Variants in PARN observed in about 807,000 individuals in gnomAD.
The protein encoded by PARN is poly(A)-specific ribonuclease PARN.
Under a neutral mutation model 102.8 loss-of-function variants are expected in PARN, and 71 were observed. The observed-to-expected ratio is 0.69, with a 90% CI of 0.57 to 0.84. The LOEUF (loss-of-function observed/expected upper bound fraction) is 0.84. PARN is among the 40% of genes least tolerant of loss of function. The probability of loss-of-function intolerance (pLI) is 0.00; values close to 1 mark genes in which losing one functional copy is unlikely to be tolerated. For missense variants in PARN, 782 were observed against 760.9 expected (o/e 1.03, Z -0.33); for synonymous variants, 261 against 252.9 (o/e 1.03, Z -0.30).
intron 21 of PARN, among the ~76,000 whole-genome samples, chr16:14,500,855 A>G (rs755796346): frequency 8.5e-5 from 13 of 152,128 alleles, no homozygotes; most frequent in Non-Finnish European, 1.9e-4. Flanking sequence ...ATGTCAGCTT[A>G]GGGCAGCAGT....
intron 22 of PARN, among the ~76,000 whole-genome samples, chr16:14,457,234 T>A (rs747378243): frequency 8.6e-5 from 13 of 151,900 alleles, no homozygotes; most frequent in Non-Finnish European, 1.6e-4. Context: ...CCCTACTAGA[T>A]GTAGCTAAGG....
chr16:14,553,050 G>A (rs563493230), intron 20 of PARN, among the ~76,000 whole-genome samples: 2 of 151,936 alleles, frequency 1.3e-5, no homozygotes, highest in African/African-American at 4.8e-5. Flanking sequence ...CAGAAATGGT[G>A]TACTGTATTA....
intron 21 of PARN, among the ~76,000 whole-genome samples, chr16:14,531,898 T>TA (rs1283712192): frequency 9.7e-6 from 1 of 103,326 alleles, no homozygotes; most frequent in African/African-American, 2.9e-5. Flanking sequence ...TCCCATTTCT[T>TA]TAAAAAAAAA....
intron 21 of PARN, among the ~76,000 whole-genome samples, chr16:14,485,854 A>G (rs1161288604): frequency 1.3e-5 from 2 of 152,082 alleles, no homozygotes; most frequent in Admixed American, 1.3e-4. Flanking sequence ...CGCCTGGCTA[A>G]TTTTTGTAAT....
chr16:14,555,595 C>A, intron 19 of PARN, 59 bp downstream of exon 19: 1 of 730,186 alleles, frequency 1.4e-6, no homozygotes, highest in Non-Finnish European at 2.2e-6. Context: ...TTCCTGTTAT[C>A]CCTTCCAGAC....
At chr16:14,584,305 T>A in intron 16 of PARN, 42 bp downstream of exon 16, 1 of 1,324,368 alleles carries the variant, frequency 7.6e-7, no homozygotes, top group Non-Finnish European at 1.1e-6. Context: ...CATCAATAAT[T>A]ATTACAAAGA....
chr16:14,439,792 G>A (rs1387891130), intron 23 of PARN, among the ~76,000 whole-genome samples: 1 of 152,046 alleles, frequency 6.6e-6, no homozygotes, highest in East Asian at 1.9e-4. Flanking sequence ...GAGGCCGGTG[G>A]ATCACGAGGT....
intron 21 of PARN, among the ~76,000 whole-genome samples, chr16:14,508,965 T>C (rs1007713988): frequency 1.3e-5 from 2 of 150,778 alleles, no homozygotes; most frequent in Non-Finnish European, 3.0e-5. Context: ...ATCCTGAGAA[T>C]CCAGAAGGTA....
intron 13 of PARN, among the ~76,000 whole-genome samples, chr16:14,589,866 C>CA (rs1421126597): frequency 3.4e-5 from 5 of 145,648 alleles, no homozygotes; most frequent in Admixed American, 1.4e-4. Context: ...GACTCCATCT[C>CA]AAAAAAAAAG....
intron 1 of PARN, among the ~76,000 whole-genome samples, chr16:14,629,891 G>C (rs1011471916): frequency 6.6e-6 from 1 of 152,210 alleles, no homozygotes; most frequent in African/African-American, 2.4e-5. Flanking sequence ...CAAGGCCCCG[G>C]ATGGTGCCGG....
chr16:14,570,265 G>A (rs1258191481), intron 18 of PARN, among the ~76,000 whole-genome samples: 4 of 147,804 alleles, frequency 2.7e-5, no homozygotes, highest in Admixed American at 1.4e-4. Context: ...CTTGAATCTG[G>A]GAGGTGGTAT....
chr16:14,451,869 CAAAAAAAAAAA>C (rs869041563), intron 22 of PARN, among the ~76,000 whole-genome samples: 2 of 52,498 alleles, frequency 3.8e-5, no homozygotes, highest in African/African-American at 8.8e-5. Flanking sequence ...AAAAAAAATA[CAAAAAAAAAAA>C]AAAAAAAAAA....
chr16:14,458,482 A>G (rs573912327), intron 22 of PARN, among the ~76,000 whole-genome samples: 1 of 152,350 alleles, frequency 6.6e-6, no homozygotes, highest in East Asian at 1.9e-4. Flanking sequence ...CAGAGAGAAG[A>G]TAACACCTAT....
At chr16:14,501,485 T>TAAAAAAAAAAAAAAAAAAAAAAAA (rs1964614612) in intron 21 of PARN, 1 of 96,866 alleles carries the variant, frequency 1.0e-5, no homozygotes. Flanking sequence ...GAATGAATGT[T>TAAAAAAAAAAAAAAAAAAAAAAAA]AAAATGTAGG....
chr16:14,588,245 G>C (rs555532057), intron 13 of PARN, among the ~76,000 whole-genome samples: 16 of 152,126 alleles, frequency 1.1e-4, no homozygotes, highest in African/African-American at 3.6e-4. Flanking sequence ...CACCTCTTAG[G>C]GAACAAATAA....
At chr16:14,571,393 T>C (rs1441400668) in intron 18 of PARN, among the ~76,000 whole-genome samples, 4 of 149,716 alleles carry the variant, frequency 2.7e-5, no homozygotes, top group Admixed American at 2.0e-4. Flanking sequence ...GAAAACACAA[T>C]ACAGAACTAA....
chr16:14,604,435 A>AT, intron 10 of PARN, among the ~76,000 whole-genome samples: 1 of 151,628 alleles, frequency 6.6e-6, no homozygotes, highest in African/African-American at 2.4e-5. Context: ...TAATTTTTGT[A>AT]TTTTTAGTAG....
At chr16:14,506,287 A>G (rs563197551) in intron 21 of PARN, among the ~76,000 whole-genome samples, 1 of 152,358 alleles carries the variant, frequency 6.6e-6, no homozygotes, top group African/African-American at 2.4e-5. Context: ...AAGACTAAAG[A>G]GCCATGATGA....
chr16:14,615,721 T>C (rs1235451450), intron 6 of PARN, among the ~76,000 whole-genome samples: 1 of 151,992 alleles, frequency 6.6e-6, no homozygotes, highest in Non-Finnish European at 1.5e-5. Flanking sequence ...GCCAACATAG[T>C]GAAACCCCAT....
Sources: gnomAD v4.1 joint callset for allele counts (sites outside exome capture counted in the v4.1 genomes callset) on GRCh38, gnomAD v4.1.1 for gene constraint, MANE v1.5 for transcripts, NCBI Gene and HGNC (gene_info 2026-07-23, HGNC 2026-07-21) for gene names.